The following RARB variants were observed in gnomAD, a reference collection of about 807,000 sequenced individuals.
RARB encodes retinoic acid receptor beta, also known as HBV-activated protein.
RARB carries 17 observed loss-of-function variants against 51.9 expected under a neutral mutation model. That is an observed-to-expected ratio of 0.33 (90% CI 0.22 to 0.49). RARB has a LOEUF of 0.49. RARB is among the 20% of genes least tolerant of loss of function. The pLI, the probability that RARB is intolerant of heterozygous loss-of-function variation, is 0.99. For synonymous variants in RARB, 215 were observed against 195.4 expected, an observed-to-expected ratio of 1.10 and a Z score of -0.84; for missense variants, 369 against 550.8, an observed-to-expected ratio of 0.67 and a Z score of 3.30.
At chr3:25,191,685 C>G (rs1575207917) in intron 5 of RARB, among the ~76,000 whole-genome samples, 1 of 152,100 alleles carries the variant, frequency 6.6e-6, no homozygotes, top group Non-Finnish European at 1.5e-5. Context: ...AACTCAGTCT[C>G]TTCCATCTAT....
chr3:25,281,387 C>T (rs1474599147), intron 5 of RARB, among the ~76,000 whole-genome samples: 1 of 152,176 alleles, frequency 6.6e-6, no homozygotes, highest in Non-Finnish European at 1.5e-5. Context: ...AAGTGAAGGC[C>T]ACTAGCTATG....
At chr3:25,454,610 C>G (rs1343301676) in intron 1 of RARB, among the ~76,000 whole-genome samples, 1 of 152,102 alleles carries the variant, frequency 6.6e-6, no homozygotes, top group Admixed American at 6.5e-5. Flanking sequence ...GCCTGCCTGC[C>G]TGTAATCAGG....
chr3:24,895,291 T>C (rs575981442), intron 2 of RARB, among the ~76,000 whole-genome samples: 1 of 152,336 alleles, frequency 6.6e-6, no homozygotes, highest in East Asian at 1.9e-4. Context: ...ACAGCCAGGT[T>C]CCAGTTAGAT....
intron 5 of RARB, among the ~76,000 whole-genome samples, chr3:25,193,356 TAAAA>T (rs1229400839): frequency 1.3e-5 from 2 of 151,870 alleles, no homozygotes; most frequent in East Asian, 3.9e-4. Flanking sequence ...GGAAGTCTGT[TAAAA>T]AAATTAAAAT....
intron 2 of RARB, among the ~76,000 whole-genome samples, chr3:24,993,295 A>G (rs1696952938): frequency 6.6e-6 from 1 of 152,200 alleles, no homozygotes; most frequent in African/African-American, 2.4e-5. Flanking sequence ...TTATCATGCC[A>G]GAAGCATAGT....
At chr3:25,277,268 C>T (rs1245272392) in intron 5 of RARB, among the ~76,000 whole-genome samples, 3 of 152,068 alleles carry the variant, frequency 2.0e-5, no homozygotes, top group Non-Finnish European at 2.9e-5. Flanking sequence ...CAACAAGAGC[C>T]AATGAAGCCA....
chr3:25,516,971 A>C (rs545876337), intron 3 of RARB, among the ~76,000 whole-genome samples: 103 of 152,280 alleles, frequency 6.8e-4, no homozygotes, highest in African/African-American at 2.5e-3. Flanking sequence ...TTTAATATAT[A>C]CTGACGGCAG....
In RARB at chr3:25,412,176, T is replaced by C. The variant is rs61405844; in HGVS notation, c.179-49017T>C. Among the ~76,000 whole-genome samples the C allele has an allele frequency of 3.2e-3, 490 of 152,282 alleles. 5 individuals are homozygous for C. Among genetic ancestry groups the C allele is most frequent in the African/African-American group, 0.011 (461 of 41,560 alleles). On this transcript the variant is annotated intron_variant, in intron 5 of 11. Transcript: ENST00000383772. The stretch of plus-strand genomic sequence containing the variant: ...ATTTTGGGGACTGGACAGCAGACAA[T>C]GAACTAGAGGACAATGGATGTTTTA...
At chr3:25,010,985 T>G (rs912353824) in intron 2 of RARB, among the ~76,000 whole-genome samples, 2 of 152,164 alleles carry the variant, frequency 1.3e-5, no homozygotes, top group Non-Finnish European at 2.9e-5. Flanking sequence ...ATGCTCAGCA[T>G]GCATCTTTCC....
intron 5 of RARB, among the ~76,000 whole-genome samples, chr3:25,252,117 C>T (rs1482191408): frequency 6.6e-6 from 1 of 152,094 alleles, no homozygotes; most frequent in Non-Finnish European, 1.5e-5. Flanking sequence ...AAAGATTATT[C>T]TTTACTACCA....
At chr3:25,194,037 A>G (rs958038529) in intron 5 of RARB, among the ~76,000 whole-genome samples, 1 of 151,728 alleles carries the variant, frequency 6.6e-6, no homozygotes, top group African/African-American at 2.4e-5. Context: ...ATGGATAAAG[A>G]AATCATGGTA....
At chr3:25,197,312 T>A (rs1304035162) in intron 5 of RARB, among the ~76,000 whole-genome samples, 1 of 152,204 alleles carries the variant, frequency 6.6e-6, no homozygotes, top group African/African-American at 2.4e-5. Flanking sequence ...GTACCATTTA[T>A]GAAATAGGGA....
intron 2 of RARB, among the ~76,000 whole-genome samples, chr3:25,031,472 T>C (rs1697874992): frequency 6.6e-6 from 1 of 152,184 alleles, no homozygotes; most frequent in South Asian, 2.1e-4. Flanking sequence ...CCTTAGAATG[T>C]GGACACATTT....
intron 2 of RARB, among the ~76,000 whole-genome samples, chr3:25,472,197 G>A (rs1695732167): frequency 6.6e-6 from 1 of 152,190 alleles, no homozygotes; most frequent in Non-Finnish European, 1.5e-5. Flanking sequence ...GCTCTTGACT[G>A]GCAGCCTTCT....
intron 5 of RARB, among the ~76,000 whole-genome samples, chr3:25,280,026 A>G (rs1249196672): frequency 6.6e-6 from 1 of 152,178 alleles, no homozygotes; most frequent in East Asian, 1.9e-4. Flanking sequence ...CAAAAGGCAG[A>G]TTAACTAGAG....
intron 3 of RARB, among the ~76,000 whole-genome samples, chr3:25,507,064 T>C (rs1560633): frequency 0.59 from 89,158 of 152,246 alleles, 26,421 homozygotes; most frequent in South Asian, 0.66. Context: ...TCCCCAACCC[T>C]GTTTTCTCAC....
chr3:25,448,438 C>T (rs1406613379), intron 1 of RARB, among the ~76,000 whole-genome samples: 1 of 152,126 alleles, frequency 6.6e-6, no homozygotes, highest in African/African-American at 2.4e-5. Context: ...GTAGTTTGAA[C>T]AGTTCTATAT....
chr3:25,208,503 C>G (rs138101992), intron 5 of RARB, among the ~76,000 whole-genome samples: 1 of 152,058 alleles, frequency 6.6e-6, no homozygotes, highest in Non-Finnish European at 1.5e-5. Flanking sequence ...TAAAGCCCAT[C>G]TTAGGAGAAT....
At position 25,148,017 on chromosome 3, in the gene RARB, G is replaced by C. The variant is rs570096651; in HGVS notation, c.-280+15809G>C. 2.6e-5 allele frequency among the ~76,000 whole-genome samples: 4 copies of C among 152,280 alleles called. No homozygotes were observed. In the East Asian group the frequency reaches 7.7e-4, roughly 29 times the overall value. ...TTTATTTGAACCACATTCCTCCTCT[G>C]GTCTGCCTTGTCTACAGACTACTGT... On this transcript the variant is annotated intron_variant, in intron 4 of 11. Transcript: ENST00000383772.
Sources: allele counts gnomAD v4.1 joint callset (sites outside exome capture counted in the v4.1 genomes callset), GRCh38; gene constraint gnomAD v4.1.1; transcripts MANE v1.5; gene names NCBI Gene and HGNC (gene_info 2026-07-23, HGNC 2026-07-21).